RBPJ: variants seen among roughly 807,000 people sequenced by gnomAD.
RBPJ encodes the protein recombining binding protein suppressor of hairless.
A neutral mutation model predicts 67.8 loss-of-function variants in RBPJ; 9 were observed. That is an observed-to-expected ratio of 0.13 (90% confidence interval 0.08 to 0.23). The LOEUF (loss-of-function observed/expected upper bound fraction) is 0.23. Ranked by LOEUF, RBPJ falls within the 10% of genes least tolerant of loss-of-function variation. The probability of loss-of-function intolerance (pLI) is 1.00; values close to 1 mark genes in which losing one functional copy is unlikely to be tolerated. For missense variants in RBPJ, 305 were observed against 595.6 expected, an observed-to-expected ratio of 0.51 and a Z score of 5.08; for synonymous variants, 198 against 203.3, an observed-to-expected ratio of 0.97 and a Z score of 0.22.
the RBPJ span, among the ~76,000 whole-genome samples, chr4:26,109,440 CTCTCTCTCTCTCTCTCTCTCTA>C: frequency 7.0e-4 from 22 of 31,508 alleles, no homozygotes; most frequent in East Asian, 5.1e-3. Flanking sequence ...CTCTCTCTCT[CTCTCTCTCTCTCTCTCTCTCTA>C]TATATATATA....
upstream of RBPJ, among the ~76,000 whole-genome samples, chr4:26,316,220 C>T (rs941536096): frequency 3.3e-5 from 5 of 150,368 alleles, no homozygotes; most frequent in South Asian, 2.1e-4. Flanking sequence ...CCAGTCTCTC[C>T]GTTCAGGGTC....
At chr4:26,390,884 G>A (rs1731429587) in intron 2 of RBPJ, among the ~76,000 whole-genome samples, 1 of 152,084 alleles carries the variant, frequency 6.6e-6, no homozygotes, top group African/African-American at 2.4e-5. Context: ...GTGAGACCTT[G>A]TCTCTACAAA....
intron 1 of RBPJ, among the ~76,000 whole-genome samples, chr4:26,294,499 G>A (rs937088426): frequency 1.3e-5 from 2 of 152,144 alleles, no homozygotes; most frequent in African/African-American, 4.8e-5. Context: ...GTGGAGTAGA[G>A]GTCGGGAGAA....
intron 1 of RBPJ, among the ~76,000 whole-genome samples, chr4:26,380,920 G>A (rs1029773072): frequency 6.6e-6 from 1 of 150,996 alleles, no homozygotes; most frequent in Non-Finnish European, 1.5e-5. Flanking sequence ...GGGCAAGTAG[G>A]GTGTCCCTGT....
chr4:26,398,215 A>G (rs193231814), intron 2 of RBPJ, among the ~76,000 whole-genome samples: 1 of 152,226 alleles, frequency 6.6e-6, no homozygotes, highest in East Asian at 1.9e-4. Flanking sequence ...AAGCGCAGAG[A>G]GTGAGCCTGG....
At chr4:26,315,093 G>A (rs186350467), upstream of RBPJ, among the ~76,000 whole-genome samples, 3,158 of 135,810 alleles carry the variant, frequency 0.023, 61 homozygotes, top group Non-Finnish European at 0.032. Context: ...TGCAGAGCAC[G>A]GAGATCGTGC....
At chr4:26,387,369 A>G (rs550308854) in intron 2 of RBPJ, among the ~76,000 whole-genome samples, 56 of 152,174 alleles carry the variant, frequency 3.7e-4, no homozygotes, top group Non-Finnish European at 7.2e-4. Context: ...ACAGCTTTGA[A>G]GTCTATACTG....
At chr4:26,411,256 T>TTAAATAAATAAA (rs371915967) in intron 3 of RBPJ, among the ~76,000 whole-genome samples, 1 of 151,938 alleles carries the variant, frequency 6.6e-6, no homozygotes, top group African/African-American at 2.4e-5. Flanking sequence ...GTCTTTAAAA[T>TTAAATAAATAAA]TAAATAAATA....
At chr4:26,400,722 C>A (rs561573883) in intron 2 of RBPJ, among the ~76,000 whole-genome samples, 1 of 152,244 alleles carries the variant, frequency 6.6e-6, no homozygotes, top group East Asian at 1.9e-4. Flanking sequence ...TACCTTGAGG[C>A]TCTAGTTACT....
chr4:26,141,164 A>C, the RBPJ span, among the ~76,000 whole-genome samples: 1 of 152,230 alleles, frequency 6.6e-6, no homozygotes, highest in Non-Finnish European at 1.5e-5. Flanking sequence ...CTGAGAATTA[A>C]ATGAAAGGAT....
chr4:26,255,218 C>A (rs1376310795), intron 1 of RBPJ, among the ~76,000 whole-genome samples: 1 of 140,602 alleles, frequency 7.1e-6, no homozygotes, highest in African/African-American at 2.7e-5. Context: ...TCCTGGCTAA[C>A]ACGGTGAGAC....
At chr4:26,409,316 C>A (rs1396532146) in intron 3 of RBPJ, among the ~76,000 whole-genome samples, 1 of 151,966 alleles carries the variant, frequency 6.6e-6, no homozygotes, top group African/African-American at 2.4e-5. Context: ...CCTGTAATCC[C>A]AGCACTTTGA....
chr4:26,145,749 A>T, the RBPJ span, among the ~76,000 whole-genome samples: 6 of 152,308 alleles, frequency 3.9e-5, no homozygotes, highest in African/African-American at 1.2e-4. Flanking sequence ...TGATGCTGGG[A>T]TCTTCATTAG....
intron 3 of RBPJ, among the ~76,000 whole-genome samples, chr4:26,412,243 A>C (rs1240903960): frequency 2.0e-5 from 3 of 152,094 alleles, no homozygotes; most frequent in Non-Finnish European, 4.4e-5. Flanking sequence ...CCGAGTGCCA[A>C]CATGACCCTG....
intron 1 of RBPJ, among the ~76,000 whole-genome samples, chr4:26,179,708 A>C (rs1342882599): frequency 1.3e-5 from 2 of 152,226 alleles, no homozygotes; most frequent in African/African-American, 4.8e-5. Flanking sequence ...ACAGTTACAC[A>C]CTGTCAGTGG....
At chr4:26,325,611 T>A (rs73245762) in intron 1 of RBPJ, among the ~76,000 whole-genome samples, 674 of 152,330 alleles carry the variant, frequency 4.4e-3, no homozygotes, top group Non-Finnish European at 7.1e-3. Context: ...TATGAAAGCA[T>A]TTAGCAGAAT....
At chr4:26,128,164 C>G in the RBPJ span, among the ~76,000 whole-genome samples, 4 of 152,222 alleles carry the variant, frequency 2.6e-5, no homozygotes, top group Non-Finnish European at 4.4e-5. Flanking sequence ...CTTGGGAAGG[C>G]AGGAAGCAGG....
At chr4:26,311,027 T>A (rs1299873296) in intron 1 of RBPJ, among the ~76,000 whole-genome samples, 1 of 152,206 alleles carries the variant, frequency 6.6e-6, no homozygotes, top group Non-Finnish European at 1.5e-5. Context: ...TTTGATGAGA[T>A]GAATGCAAGT....
intron 2 of RBPJ, among the ~76,000 whole-genome samples, chr4:26,405,041 T>A (rs1185483789): frequency 1.3e-5 from 2 of 152,238 alleles, no homozygotes; most frequent in Non-Finnish European, 2.9e-5. Flanking sequence ...ATTTATATCC[T>A]GGTATTACTG....
Sources: gnomAD v4.1 joint callset for allele counts (sites outside exome capture counted in the v4.1 genomes callset) on GRCh38, gnomAD v4.1.1 for gene constraint, MANE v1.5 for transcripts, NCBI Gene and HGNC (gene_info 2026-07-23, HGNC 2026-07-21) for gene names.